The following CD244 variants were observed in gnomAD, a reference collection of about 807,000 sequenced individuals.
CD244 encodes the protein CD244 molecule, also known as natural killer cell receptor 2B4.
CD244 carries 20 observed loss-of-function variants against 45.5 expected under a neutral mutation model. The ratio of observed to expected loss-of-function variants is 0.44; its 90% CI spans 0.31 to 0.64. The LOEUF (loss-of-function observed/expected upper bound fraction) is 0.64, where lower values mean the gene tolerates loss of function less well. Ranked by LOEUF, CD244 falls within the 30% of genes least tolerant of loss-of-function variation. The probability of loss-of-function intolerance (pLI) is 0.08; values close to 1 mark genes in which losing one functional copy is unlikely to be tolerated. For synonymous variants in CD244, 185 were observed against 160.5 expected, an observed-to-expected ratio of 1.15 and a Z score of -1.15; for missense variants, 407 against 426.9, an observed-to-expected ratio of 0.95 and a Z score of 0.41.
At chr1:160,841,958 T>C (rs1409754470) in intron 1 of CD244, 57 bp from the exon 2 acceptor site, 3 of 1,494,600 alleles carry the variant, frequency 2.0e-6, no homozygotes, top group Non-Finnish European at 2.8e-6. Context: ...CTGAGCAATG[T>C]GGGCAGCTGG....
rs762830907 is a variant in CD244, at chr1:160,841,854, G to A, written c.109C>T (p.Leu37Phe). 2.5e-6 allele frequency: 4 copies of A among 1,614,122 alleles called. No individual in the cohort carries two copies. Among genetic ancestry groups the A allele is most frequent in the East Asian group, 2.2e-5 (1 of 44,876 alleles). Residue 37 changes from leucine (L) to phenylalanine (F), a missense_variant, in exon 2 of 9, where the codon CTT becomes TTT. Coordinates refer to ENST00000368034, the MANE Select transcript of CD244 (RefSeq NM_016382.4). ...TGTATGCTGTTTGGTTGTAACTGAA[G>A]AGGCACTCCCGAGATGCTAACCACA... Reference protein sequence around the residue: ...DHVVSISGVPLQLQPNSIQTK... With the variant: ...DHVVSISGVPFQLQPNSIQTK...
At chr1:160,857,209 T>C (rs78339508) in intron 1 of CD244, among the ~76,000 whole-genome samples, 8,361 of 152,304 alleles carry the variant, frequency 0.055, 313 homozygotes, top group Non-Finnish European at 0.082. Flanking sequence ...CAAAGCAGCA[T>C]GGAACTCTCA....
At chr1:160,850,215 A>G (rs1669873717) in intron 1 of CD244, among the ~76,000 whole-genome samples, 1 of 152,138 alleles carries the variant, frequency 6.6e-6, no homozygotes, top group African/African-American at 2.4e-5. Context: ...TGAAAACAAT[A>G]CTATTTACAG....
rs532642740 is a variant in CD244, at chr1:160,841,775, A to T, written c.188T>A (p.Phe63Tyr). Reference protein sequence around the residue: ...WKKLLPSQNGFHHILKWENGS... With the variant: ...WKKLLPSQNGYHHILKWENGS... ...ATTCTCCCACTTCAATATGTGATGA[A>T]ATCCATTTTGTGAGGGCAGCAACTT... Residue 63 changes from phenylalanine to tyrosine, a missense_variant, in exon 2 of 9, where the codon TTT (phenylalanine) becomes TAT (tyrosine). Transcript: ENST00000368034. 2 of 1,614,126 alleles carry T rather than the reference A, an allele frequency of 1.2e-6. No homozygotes were observed. Among genetic ancestry groups the T allele is most frequent in the African/African-American group, 2.7e-5 (2 of 75,026 alleles).
intron 1 of CD244, among the ~76,000 whole-genome samples, chr1:160,857,503 T>C (rs186917111): frequency 2.0e-5 from 3 of 152,320 alleles, no homozygotes; most frequent in Admixed American, 6.5e-5. Context: ...TCTCATAAGA[T>C]GTTGAGCAAA....
chr1:160,834,187 C>G, intron 6 of CD244, 71 bp from the exon 7 acceptor site: 1 of 1,144,622 alleles, frequency 8.7e-7, no homozygotes, highest in East Asian at 2.4e-5. Context: ...TTATCTCTTC[C>G]GTTTCTCCTC....
At chr1:160,836,107 T>C in intron 6 of CD244, 88 bp downstream of exon 6, 1 of 951,802 alleles carries the variant, frequency 1.1e-6, no homozygotes. Flanking sequence ...CAAGATCTTA[T>C]TCTGCCATTC....
intron 1 of CD244, among the ~76,000 whole-genome samples, chr1:160,860,923 C>T (rs1249654380): frequency 6.6e-6 from 1 of 152,228 alleles, no homozygotes; most frequent in African/African-American, 2.4e-5. Context: ...GTCCATCCCT[C>T]CCTGTGCCTA....
intron 1 of CD244, among the ~76,000 whole-genome samples, chr1:160,853,050 A>G (rs1307925027): frequency 2.6e-5 from 4 of 152,170 alleles, no homozygotes; most frequent in African/African-American, 9.7e-5. Context: ...TGGTGTTTAT[A>G]TCCACTAAAA....
intron 4 of CD244, 45 bp downstream of exon 4, chr1:160,838,894 C>G (rs1669429612): frequency 7.6e-7 from 1 of 1,309,422 alleles, no homozygotes; most frequent in Admixed American, 1.9e-5. Context: ...GTCACAGGAT[C>G]CAAGGCCTCA....
At chr1:160,839,568 C>A (rs1337134761) in intron 3 of CD244, among the ~76,000 whole-genome samples, 4 of 152,152 alleles carry the variant, frequency 2.6e-5, no homozygotes, top group Non-Finnish European at 1.5e-5. Context: ...TACAGTATAA[C>A]AACTATTTAA....
rs759941003 is a variant in CD244, at chr1:160,834,089, C to T, written c.922G>A (p.Ala308Thr). ...TGAATTAATGAATATAATGTATATG[C>T]AGGTTCTTGTGACGTGGGAGCAGAA... ...QSSAPTSQEP[A>T]YTLYSLIQPS... Residue 308 changes from alanine (A) to threonine (T), a missense_variant, in exon 7 of 9, where the codon GCA (alanine) becomes ACA (threonine). By Grantham distance (58) the Ala-to-Thr change is moderately conservative. Coordinates refer to ENST00000368034, the MANE Select transcript of CD244 (RefSeq NM_016382.4). 1.2e-6 allele frequency: 2 copies of T among 1,611,786 alleles called. No individual in the cohort carries two copies. Among genetic ancestry groups the T allele is most frequent in the Admixed American group, 1.7e-5 (1 of 60,010 alleles).
intron 7 of CD244, 53 bp from the exon 8 acceptor site, chr1:160,832,628 C>T: frequency 6.2e-7 from 1 of 1,607,974 alleles, no homozygotes; most frequent in Non-Finnish European, 8.5e-7. Context: ...TGCTCTCCCA[C>T]TCCTAAGTGA....
chr1:160,852,329 C>T lies in CD244; in HGVS notation c.61+10288G>A, dbSNP rs367642724. Reference sequence around the variant, plus strand: ...CTTTGGGAGGCCGAGGCGGGTGGATCGCTTGAGGCCAGGAGTTCGAGGCCA... The same window carrying T: ...CTTTGGGAGGCCGAGGCGGGTGGATTGCTTGAGGCCAGGAGTTCGAGGCCA... On this transcript the variant is annotated intron_variant, in intron 1 of 8. Transcript: ENST00000368034. 3.9e-5 allele frequency among the ~76,000 whole-genome samples: 6 copies of T among 152,172 alleles called. No homozygotes were observed. The East Asian group carries it at 9.7e-4, about 25-fold the overall frequency.
At chr1:160,852,319 G>C (rs895166214) in intron 1 of CD244, among the ~76,000 whole-genome samples, 2 of 152,208 alleles carry the variant, frequency 1.3e-5, no homozygotes, top group African/African-American at 4.8e-5. Flanking sequence ...GGAGGCCGAG[G>C]CGGGTGGATC....
chr1:160,848,608 C>A, intron 1 of CD244: 1 of 350,806 alleles, frequency 2.9e-6, no homozygotes, highest in South Asian at 2.4e-5. Flanking sequence ...ACAGACAGGC[C>A]TTGCTGGGTT....
intron 6 of CD244, among the ~76,000 whole-genome samples, chr1:160,835,537 G>A (rs537062163): frequency 1.3e-4 from 20 of 152,176 alleles, no homozygotes; most frequent in African/African-American, 2.7e-4. Context: ...ACTTGAGGCC[G>A]GGAATTCAAG....
chr1:160,832,466 T>C (rs1342662627), intron 8 of CD244, 53 bp downstream of exon 8: 6 of 1,119,792 alleles, frequency 5.4e-6, no homozygotes, highest in Middle Eastern at 2.9e-4. Flanking sequence ...CATGGCTAGA[T>C]TTCAGGGCTA....
intron 3 of CD244, 110 bp downstream of exon 3, chr1:160,841,099 TG>T: frequency 9.4e-7 from 1 of 1,062,116 alleles, no homozygotes; most frequent in Non-Finnish European, 1.4e-6. Context: ...TACAAGGCAC[TG>T]GGAGAGGAGG....
Sources: allele counts gnomAD v4.1 joint callset (sites outside exome capture counted in the v4.1 genomes callset), GRCh38; gene constraint gnomAD v4.1.1; transcripts MANE v1.5; gene names NCBI Gene and HGNC (gene_info 2026-07-23, HGNC 2026-07-21).